The following KSR1 variants were observed in gnomAD, a reference collection of about 807,000 sequenced individuals.
The protein encoded by KSR1 is kinase suppressor of ras 1.
Under a neutral mutation model 92.9 loss-of-function variants are expected in KSR1, and 35 were observed. The ratio of observed to expected loss-of-function variants is 0.38; its 90% CI spans 0.29 to 0.50. KSR1 has a LOEUF of 0.50. KSR1 is among the 20% of genes least tolerant of loss of function. The probability of loss-of-function intolerance (pLI) is 0.94; values close to 1 mark genes in which losing one functional copy is unlikely to be tolerated. For synonymous variants in KSR1, 467 were observed against 472.6 expected, an observed-to-expected ratio of 0.99 and a Z score of 0.15; for missense variants, 972 against 1,158.5, an observed-to-expected ratio of 0.84 and a Z score of 2.34.
At chr17:27,500,851 C>A (rs1477163656) in intron 1 of KSR1, among the ~76,000 whole-genome samples, 2 of 152,174 alleles carry the variant, frequency 1.3e-5, no homozygotes, top group African/African-American at 4.8e-5. Context: ...CTCTGCCAGG[C>A]CTTGCACCAG....
chr17:27,456,563 T>G lies in KSR1; in HGVS notation c.-81T>G, dbSNP rs1382510615. 6.8e-6 allele frequency: 3 copies of G among 442,328 alleles called. No homozygotes were observed. Among genetic ancestry groups the G allele is most frequent in the Non-Finnish European group, 1.2e-5 (3 of 256,494 alleles). 27.4% of individuals were successfully genotyped at this position (442,328 alleles called of 1,614,324 possible). A position where few individuals can be genotyped will look rare whatever the true frequency, so the allele number is the denominator to read the frequency against. On this transcript the variant is annotated 5_prime_UTR_variant, in exon 1 of 21. Coordinates refer to ENST00000644974, the MANE Select transcript of KSR1 (RefSeq NM_001394583.1). ...CGCCGAGGGGCGCTCCTGGTCCAGC[T>G]CTCCTGGCTCGGGGGTTCCTTGCCG...
chr17:27,462,249 A>G (rs1241275119), intron 1 of KSR1, among the ~76,000 whole-genome samples: 1 of 152,190 alleles, frequency 6.6e-6, no homozygotes, highest in Non-Finnish European at 1.5e-5. Flanking sequence ...GGATGGAGAG[A>G]CTGTCTTAGC....
intron 1 of KSR1, among the ~76,000 whole-genome samples, chr17:27,468,448 C>A (rs1370371702): frequency 6.6e-6 from 1 of 152,022 alleles, no homozygotes; most frequent in Non-Finnish European, 1.5e-5. Flanking sequence ...GTTGGCCAGG[C>A]CAGCTTGTGA....
chr17:27,547,324 GA>G (rs1018505330), intron 1 of KSR1, among the ~76,000 whole-genome samples: 1 of 152,236 alleles, frequency 6.6e-6, no homozygotes, highest in African/African-American at 2.4e-5. Context: ...TCTGTGGATA[GA>G]ATTCAGGGGG....
At chr17:27,541,274 G>A (rs528736234) in intron 1 of KSR1, among the ~76,000 whole-genome samples, 13 of 152,376 alleles carry the variant, frequency 8.5e-5, no homozygotes, top group South Asian at 4.1e-4. Context: ...AGAGGCAAGT[G>A]ATGGACGAAT....
intron 20 of KSR1, chr17:27,621,848 A>T: frequency 6.9e-7 from 1 of 1,444,876 alleles, no homozygotes; most frequent in South Asian, 1.1e-5. Context: ...TGCTCTGGCC[A>T]GACCTCTAGC....
chr17:27,592,470 C>T (rs746119253), intron 8 of KSR1, 48 bp downstream of exon 8: 22 of 1,613,406 alleles, frequency 1.4e-5, no homozygotes, highest in Non-Finnish European at 1.9e-5. Context: ...TTGGGTGAAT[C>T]TTTAGCTTGA....
chr17:27,584,288 G>A (rs1257337690), intron 4 of KSR1, among the ~76,000 whole-genome samples: 1 of 152,162 alleles, frequency 6.6e-6, no homozygotes, highest in Non-Finnish European at 1.5e-5. Context: ...TTGGGCCTTG[G>A]AGTCATCTTT....
chr17:27,488,134 G>A (rs2068721893), intron 1 of KSR1, among the ~76,000 whole-genome samples: 1 of 152,210 alleles, frequency 6.6e-6, no homozygotes, highest in Non-Finnish European at 1.5e-5. Flanking sequence ...ATGTGCACAT[G>A]TGTTCCAGCC....
chr17:27,598,228 TCG>T (rs1233923818), intron 10 of KSR1, among the ~76,000 whole-genome samples: 1 of 152,194 alleles, frequency 6.6e-6, no homozygotes, highest in Non-Finnish European at 1.5e-5. Flanking sequence ...TTATTACAGT[TCG>T]CAGTCCCAGA....
intron 1 of KSR1, among the ~76,000 whole-genome samples, chr17:27,490,728 T>C (rs2068796869): frequency 2.0e-5 from 3 of 152,226 alleles, no homozygotes; most frequent in Admixed American, 1.3e-4. Context: ...CTGACCCCTG[T>C]AAATTACCAT....
intron 2 of KSR1, among the ~76,000 whole-genome samples, chr17:27,556,287 T>C (rs2071592391): frequency 1.3e-5 from 2 of 152,196 alleles, no homozygotes; most frequent in Admixed American, 1.3e-4. Context: ...CGATCCTGGC[T>C]CATTGCAGCT....
intron 2 of KSR1, chr17:27,566,253 C>T: frequency 2.6e-6 from 1 of 381,594 alleles, no homozygotes; most frequent in East Asian, 3.7e-5. Context: ...GCAGGGCCTG[C>T]TGGAGCCTGC....
chr17:27,507,354 A>G, intron 1 of KSR1, among the ~76,000 whole-genome samples: 1 of 151,562 alleles, frequency 6.6e-6, no homozygotes, highest in African/African-American at 2.4e-5. Flanking sequence ...AATTGCTTGA[A>G]CCCGGGAGGT....
intron 1 of KSR1, among the ~76,000 whole-genome samples, chr17:27,544,793 C>G (rs2071100233): frequency 6.6e-6 from 1 of 152,178 alleles, no homozygotes; most frequent in Non-Finnish European, 1.5e-5. Context: ...CCTTTTAGGC[C>G]CCCAGGGCTG....
chr17:27,562,211 A>G (rs1408872341), intron 2 of KSR1, among the ~76,000 whole-genome samples: 1 of 152,160 alleles, frequency 6.6e-6, no homozygotes, highest in East Asian at 1.9e-4. Flanking sequence ...AACTGACTAG[A>G]CTAGAAGCAC....
At chr17:27,480,479 C>A (rs1469937391) in intron 1 of KSR1, among the ~76,000 whole-genome samples, 1 of 152,066 alleles carries the variant, frequency 6.6e-6, no homozygotes, top group Non-Finnish European at 1.5e-5. Flanking sequence ...CTCACTGCAA[C>A]CTCCACCTCC....
At position 27,623,755 on chromosome 17, in the gene KSR1, C is replaced by A. The variant is rs566802267; in HGVS notation, c.*363C>A. ...CCATCCCCTCTGAGGACCTTGTAGG[C>A]GGTGAGGGACCCATGCTGGGCCAGA... On this transcript the variant is annotated 3_prime_UTR_variant, in exon 21 of 21. Coordinates refer to ENST00000644974, the MANE Select transcript of KSR1 (RefSeq NM_001394583.1). The A allele has an allele frequency of 3.6e-6, 2 of 549,594 alleles. No homozygotes were observed. Among genetic ancestry groups the A allele is most frequent in the African/African-American group, 2.0e-5 (1 of 50,526 alleles). The allele number at this position is 549,594 out of a possible 1,614,324, so 34.0% of individuals were successfully genotyped here.
At chr17:27,488,099 A>AT (rs1214918128) in intron 1 of KSR1, among the ~76,000 whole-genome samples, 4 of 152,112 alleles carry the variant, frequency 2.6e-5, no homozygotes, top group Admixed American at 6.5e-5. Flanking sequence ...GCTTTTAGAG[A>AT]TTTTTTGTGC....
Sources: allele counts gnomAD v4.1 joint callset (sites outside exome capture counted in the v4.1 genomes callset), GRCh38; gene constraint gnomAD v4.1.1; transcripts MANE v1.5; gene names NCBI Gene and HGNC (gene_info 2026-07-23, HGNC 2026-07-21).